PDE4D: variants seen among roughly 807,000 people sequenced by gnomAD.
PDE4D encodes the protein phosphodiesterase 4D, also known as 3',5'-cyclic-AMP phosphodiesterase 4D.
In PDE4D, 24 loss-of-function variants were observed where a neutral mutation model predicts 87.4. The ratio of observed to expected loss-of-function variants is 0.27; its 90% confidence interval spans 0.20 to 0.39. The LOEUF is 0.39. PDE4D is among the 10% of genes least tolerant of loss of function. The pLI is 1.00. For synonymous variants in PDE4D, 384 were observed against 383.2 expected (o/e 1.00, Z -0.02); for missense variants, 714 against 1,041.0 (o/e 0.69, Z 4.32).
intron 1 of PDE4D, among the ~76,000 whole-genome samples, chr5:59,719,356 C>T (rs529634642): frequency 6.5e-4 from 99 of 152,134 alleles, no homozygotes; most frequent in Non-Finnish European, 1.1e-3. Flanking sequence ...AGTATTTCCA[C>T]GACACAGATA....
At chr5:59,872,289 ACACACACACAC>A (rs1201802181) in intron 1 of PDE4D, among the ~76,000 whole-genome samples, 2 of 140,368 alleles carry the variant, frequency 1.4e-5, no homozygotes, top group African/African-American at 6.4e-5. Context: ...ACACACACAC[ACACACACACAC>A]AAGAGCACAC....
intron 1 of PDE4D, among the ~76,000 whole-genome samples, chr5:59,533,655 A>G (rs1384214588): frequency 6.6e-6 from 1 of 152,226 alleles, no homozygotes; most frequent in African/African-American, 2.4e-5. Context: ...TGATTCTCAA[A>G]GTGTGGTCTC....
intron 1 of PDE4D, among the ~76,000 whole-genome samples, chr5:59,632,418 T>TTGGCCCC (rs1250943126): frequency 6.6e-6 from 1 of 152,210 alleles, no homozygotes; most frequent in East Asian, 1.9e-4. Flanking sequence ...CCTCCTCAAG[T>TTGGCCCC]TGGCCCCTGA....
chr5:59,753,648 G>A (rs1233182161), intron 1 of PDE4D, among the ~76,000 whole-genome samples: 2 of 152,078 alleles, frequency 1.3e-5, no homozygotes, highest in South Asian at 2.1e-4. Flanking sequence ...GTAACCGGGG[G>A]TACTTTCAAT....
intron 1 of PDE4D, among the ~76,000 whole-genome samples, chr5:60,394,579 G>T (rs1286047267): frequency 6.6e-6 from 1 of 152,072 alleles, no homozygotes; most frequent in Non-Finnish European, 1.5e-5. Flanking sequence ...GCAGTTTTAA[G>T]AGCTAAACAG....
At chr5:59,183,166 C>T (rs1263304277) in intron 4 of PDE4D, among the ~76,000 whole-genome samples, 1 of 152,110 alleles carries the variant, frequency 6.6e-6, no homozygotes, top group Non-Finnish European at 1.5e-5. Flanking sequence ...TATTCTGATA[C>T]CCAAAGAAGC....
intron 1 of PDE4D, among the ~76,000 whole-genome samples, chr5:59,411,678 C>T (rs1335940829): frequency 1.3e-5 from 2 of 152,098 alleles, no homozygotes; most frequent in Admixed American, 1.3e-4. Flanking sequence ...GGATTAGGGG[C>T]CACTCTAAAG....
At chr5:60,237,406 C>G (rs1038426431) in intron 1 of PDE4D, among the ~76,000 whole-genome samples, 1 of 151,952 alleles carries the variant, frequency 6.6e-6, no homozygotes, top group Non-Finnish European at 1.5e-5. Flanking sequence ...ACATCCATAT[C>G]ATGGAATACT....
At chr5:60,358,132 A>G (rs1759768700) in intron 1 of PDE4D, among the ~76,000 whole-genome samples, 1 of 152,238 alleles carries the variant, frequency 6.6e-6, no homozygotes, top group Non-Finnish European at 1.5e-5. Context: ...CAGAGCCTGC[A>G]GATTTGACCA....
chr5:59,969,764 T>G (rs1391720716), intron 3 of PDE4D, among the ~76,000 whole-genome samples: 1 of 152,180 alleles, frequency 6.6e-6, no homozygotes, highest in Non-Finnish European at 1.5e-5. Flanking sequence ...GCAGTTCTCC[T>G]TGCTGCCACC....
At chr5:59,588,936 C>T (rs1234283333) in intron 1 of PDE4D, among the ~76,000 whole-genome samples, 2 of 152,150 alleles carry the variant, frequency 1.3e-5, no homozygotes, top group Non-Finnish European at 1.5e-5. Context: ...TGTTTTGAAT[C>T]AAGTAATTAA....
chr5:60,022,791 T>G (rs1198794419), intron 2 of PDE4D: 2 of 152,272 alleles, frequency 1.3e-5, no homozygotes, highest in African/African-American at 4.8e-5. Context: ...TTCATTCCAT[T>G]CTTCTTAGGC....
intron 2 of PDE4D, among the ~76,000 whole-genome samples, chr5:59,199,219 A>G (rs547429489): frequency 2.6e-5 from 4 of 151,988 alleles, no homozygotes; most frequent in South Asian, 4.2e-4. Flanking sequence ...TAGCACTGTG[A>G]AGGAGTCACA....
At chr5:59,621,096 C>T (rs928471682) in intron 1 of PDE4D, among the ~76,000 whole-genome samples, 1 of 151,858 alleles carries the variant, frequency 6.6e-6, no homozygotes, top group African/African-American at 2.4e-5. Flanking sequence ...TTCAATTAGG[C>T]AAGTTAGAGC....
chr5:59,796,581 T>C (rs1185540524), intron 1 of PDE4D, among the ~76,000 whole-genome samples: 2 of 152,232 alleles, frequency 1.3e-5, no homozygotes, highest in African/African-American at 4.8e-5. Context: ...ACAGTGACTA[T>C]TAACTGGATT....
At chr5:59,194,557 C>T (rs1010976870) in intron 2 of PDE4D, among the ~76,000 whole-genome samples, 2 of 151,932 alleles carry the variant, frequency 1.3e-5, no homozygotes, top group Admixed American at 6.6e-5. Flanking sequence ...GTGCTGTGGT[C>T]GTCATCAAAC....
intron 1 of PDE4D, among the ~76,000 whole-genome samples, chr5:60,514,581 G>A (rs1296417868): frequency 6.6e-6 from 1 of 151,950 alleles, no homozygotes; most frequent in African/African-American, 2.4e-5. Flanking sequence ...AACAGAATGA[G>A]GGAGAAATTT....
At chr5:59,124,888 C>A (rs1248436789) in intron 5 of PDE4D, among the ~76,000 whole-genome samples, 1 of 152,108 alleles carries the variant, frequency 6.6e-6, no homozygotes, top group South Asian at 2.1e-4. Flanking sequence ...TAAAAACACC[C>A]ACAGTAATTA....
intron 2 of PDE4D, among the ~76,000 whole-genome samples, chr5:60,094,971 A>C (rs1775520021): frequency 6.6e-6 from 1 of 152,194 alleles, no homozygotes; most frequent in Non-Finnish European, 1.5e-5. Context: ...TCTAGCATTT[A>C]TGAAAGCACT....
Sources: gnomAD v4.1 joint callset for allele counts (sites outside exome capture counted in the v4.1 genomes callset) on GRCh38, gnomAD v4.1.1 for gene constraint, MANE v1.5 for transcripts, NCBI Gene and HGNC (gene_info 2026-07-23, HGNC 2026-07-21) for gene names.